Variants in C1QBP observed in about 807,000 individuals in gnomAD.
The protein encoded by C1QBP is complement component 1 Q subcomponent-binding protein, mitochondrial.
Under a neutral mutation model 29.4 loss-of-function variants are expected in C1QBP, and 24 were observed. The observed-to-expected ratio is 0.82, with a 90% CI of 0.59 to 1.15. The LOEUF is 1.15. Among genes scored for constraint, C1QBP ranks in the 50% most tolerant of loss-of-function variants. C1QBP has a pLI of 0.00. For missense variants in C1QBP, 337 were observed against 355.8 expected (o/e 0.95, Z 0.43); for synonymous variants, 182 against 149.2 (o/e 1.22, Z -1.60).
Position 5,438,225 on chromosome 17 carries a change from C to T in C1QBP, c.281G>A (p.Arg94Lys), listed in dbSNP as rs755263706. 6.2e-7 allele frequency: 1 copy of T among 1,614,172 alleles called. No individual in the cohort carries two copies. The highest frequency in any genetic ancestry group is 2.2e-5 in the East Asian group (1 of 44,886). ...DFLSDEIKEE[R>K]KIQKHKTLPK... ...GAGGGTTTTATGCTTCTGAATTTTT[C>T]TTTCCTCCTTAATTTCATCACTCAG... The change falls in exon 2 of 6, where the codon AGA becomes AAA. Residue 94 changes from arginine (R) to lysine (K), a missense_variant. By Grantham distance (26) the Arg-to-Lys change is conservative (BLOSUM62 2). Coordinates refer to ENST00000225698, the MANE Select transcript of C1QBP (RefSeq NM_001212.4).
At chr17:5,434,647 T>C (rs1916216446) in intron 3 of C1QBP, 3 of 311,184 alleles carry the variant, frequency 9.6e-6, no homozygotes, top group Non-Finnish European at 1.9e-5. Flanking sequence ...TTTGTATTTT[T>C]AGTAGAGACG....
Position 5,432,866 on chromosome 17 carries a change from G to C in C1QBP, c.*149C>G, listed in dbSNP as rs1039272260. On this transcript the variant is annotated 3_prime_UTR_variant, in exon 6 of 6. Transcript: ENST00000225698. ...TACAGAAAAAAATGATAATAAATGA[G>C]AACACAAAACATATAATTTAAATTT... is the stretch of plus-strand genomic sequence containing the variant. 79 of 1,001,014 alleles carry C rather than the reference G, an allele frequency of 7.9e-5. No individual in the cohort carries two copies. The highest frequency in any genetic ancestry group is 1.1e-4 in the Non-Finnish European group (78 of 712,864). The allele number at this position is 1,001,014 out of a possible 1,614,324, so 62.0% of individuals were successfully genotyped here.
chr17:5,433,149 G>A lies in C1QBP; in HGVS notation c.715C>T (p.Leu239=). The A allele has an allele frequency of 6.2e-7, 1 of 1,613,756 alleles. No homozygotes were observed. Among genetic ancestry groups the A allele is most frequent in the African/African-American group, 1.3e-5 (1 of 74,984 alleles). ...DSLDWALYDH[L]MDFLADRGVD... ...CCTCGGTCGGCAAGGAAATCCATTA[G>A]GTGGTCATATAAGGCCTGCAAAGAA... is the stretch of plus-strand genomic sequence containing the variant. Residue 239 remains leucine (L), a synonymous_variant, in exon 6 of 6, where the codon CTA becomes TTA. Coordinates refer to ENST00000225698, the MANE Select transcript of C1QBP (RefSeq NM_001212.4).
chr17:5,438,463 AAAGTGATT>A, intron 1 of C1QBP, 190 bp from the exon 2 acceptor site: 1 of 812,958 alleles, frequency 1.2e-6, no homozygotes, highest in East Asian at 2.7e-5. Context: ...TGATTCTGGA[AAAGTGATT>A]TCCAACAATG....
intron 2 of C1QBP, among the ~76,000 whole-genome samples, chr17:5,436,855 TA>T (rs1383951734): frequency 6.6e-6 from 1 of 152,088 alleles, no homozygotes; most frequent in Non-Finnish European, 1.5e-5. Flanking sequence ...CTGTCTCTAC[TA>T]AAAATACAAA....
At chr17:5,437,298 TTACA>T (rs1484899509) in intron 2 of C1QBP, among the ~76,000 whole-genome samples, 1 of 152,200 alleles carries the variant, frequency 6.6e-6, no homozygotes, top group East Asian at 1.9e-4. Flanking sequence ...TTTAAAAAAA[TTACA>T]TACACATCAT....
intron 2 of C1QBP, 77 bp from the exon 3 acceptor site, chr17:5,435,043 T>C (rs1439095453): frequency 2.4e-6 from 3 of 1,267,654 alleles, no homozygotes; most frequent in African/African-American, 1.5e-5. Flanking sequence ...CACATAAACA[T>C]GGAAATCTGC....
intron 2 of C1QBP, among the ~76,000 whole-genome samples, chr17:5,437,474 C>T (rs1022808294): frequency 2.6e-5 from 4 of 152,168 alleles, no homozygotes; most frequent in African/African-American, 4.8e-5. Flanking sequence ...GTAGCTGGGA[C>T]TACAGGCACG....
At chr17:5,438,303 G>A in intron 1 of C1QBP, 30 bp from the exon 2 acceptor site, 2 of 1,608,312 alleles carry the variant, frequency 1.2e-6, no homozygotes, top group Non-Finnish European at 1.7e-6. Context: ...ACATAAAAAG[G>A]AAAGCCAGTT....
intron 2 of C1QBP, among the ~76,000 whole-genome samples, chr17:5,435,994 C>T (rs1422769336): frequency 7.1e-5 from 10 of 141,482 alleles, no homozygotes; most frequent in South Asian, 4.4e-4. Flanking sequence ...TGCAGTGAGC[C>T]GAGATCACGC....
intron 4 of C1QBP, 111 bp downstream of exon 4, chr17:5,433,558 T>G (rs1468664725): frequency 1.3e-6 from 2 of 1,511,284 alleles, no homozygotes; most frequent in African/African-American, 2.8e-5. Flanking sequence ...CCTGCTGGGC[T>G]GGTCTAAGCT....
rs1381637113 is a variant in C1QBP, at chr17:5,439,149, C to A, written c.-76G>T. ...GGCGCCCCGCGACCTGAGGCGCCGCCGGAAGCCCCGCCCCTGCCCGGAAGC... is the reference window on the plus strand; with the variant it reads ...GGCGCCCCGCGACCTGAGGCGCCGCAGGAAGCCCCGCCCCTGCCCGGAAGC... On this transcript the variant is annotated 5_prime_UTR_variant, in exon 1 of 6. Coordinates refer to ENST00000225698, the MANE Select transcript of C1QBP (RefSeq NM_001212.4). The A allele has an allele frequency of 1.3e-6, 2 of 1,518,078 alleles. No individual in the cohort carries two copies. The highest frequency in any genetic ancestry group is 1.4e-5 in the African/African-American group (1 of 70,656). 94.0% of individuals were successfully genotyped at this position (1,518,078 alleles called of 1,614,324 possible). A position where few individuals can be genotyped will look rare whatever the true frequency, so the allele number is the denominator to read the frequency against.
At position 5,434,973 on chromosome 17, in the gene C1QBP, C is replaced by G. The variant is rs772201874; in HGVS notation, c.384-7G>C. On this transcript the variant is annotated splice_region_variant and splice_polypyrimidine_tract_variant and intron_variant, in intron 2 of 5. Coordinates refer to ENST00000225698, the MANE Select transcript of C1QBP (RefSeq NM_001212.4). ...GTTGAAAGTGACCGTGATTCTAAAA[C>G]GGCAAGGGAAAACAGACAAGGCAAA... 1.2e-6 allele frequency: 2 copies of G among 1,611,926 alleles called. No homozygotes were observed. The highest frequency in any genetic ancestry group is 1.1e-5 in the South Asian group (1 of 91,044).
intron 4 of C1QBP, 53 bp downstream of exon 4, chr17:5,433,616 G>C (rs1213976725): frequency 6.3e-7 from 1 of 1,578,600 alleles, no homozygotes; most frequent in African/African-American, 1.3e-5. Flanking sequence ...AAGTTCCCAA[G>C]GGACACACTG....
rs1342274592 is a variant in C1QBP, at chr17:5,438,142, G to A, written c.364C>T (p.Arg122Trp). ...ACTTACTTTTCCCCGGCAACTTTCCGCACTAATTTCGCTTCTGTCCCATTC... is the reference window on the plus strand; with the variant it reads ...ACTTACTTTTCCCCGGCAACTTTCCACACTAATTTCGCTTCTGTCCCATTC... ...ELNGTEAKLV[R>W]KVAGEKITVT... Residue 122 changes from arginine to tryptophan, a missense_variant, in exon 2 of 6, where the codon CGG (arginine) becomes TGG (tryptophan). Physicochemically the swap from Arg to Trp is moderately radical, Grantham distance 101. Transcript: ENST00000225698. 2 of 1,612,312 alleles carry A rather than the reference G, an allele frequency of 1.2e-6. No homozygotes were observed. The highest frequency in any genetic ancestry group is 1.7e-5 in the Admixed American group (1 of 60,008).
intron 2 of C1QBP, among the ~76,000 whole-genome samples, chr17:5,435,403 T>TTTA: frequency 6.6e-6 from 1 of 152,142 alleles, no homozygotes; most frequent in East Asian, 1.9e-4. Context: ...CAGAAGCCCC[T>TTTA]TTAAGAGACT....
intron 2 of C1QBP, among the ~76,000 whole-genome samples, chr17:5,435,874 CAAA>C (rs200057698): frequency 0.017 from 1,772 of 105,674 alleles, 58 homozygotes; most frequent in African/African-American, 0.065. Context: ...CTAAAAAATA[CAAA>C]AAAAAAAAAA....
At position 5,432,905 on chromosome 17, in the gene C1QBP, C is replaced by T. The variant is rs1916127398; in HGVS notation, c.*110G>A. 1 of 1,299,686 alleles carries T rather than the reference C, an allele frequency of 7.7e-7. No individual in the cohort carries two copies. The highest frequency in any genetic ancestry group is 1.5e-5 in the African/African-American group (1 of 67,086). The allele number at this position is 1,299,686 out of a possible 1,614,324, so 80.5% of individuals were successfully genotyped here. A position where few individuals can be genotyped will look rare whatever the true frequency, so the allele number is the denominator to read the frequency against. On this transcript the variant is annotated 3_prime_UTR_variant, in exon 6 of 6. Transcript: ENST00000225698. ...TAATTTAAATTTGGTATTTTTTCCC[C>T]CATGATATTAGGATGATAATCATTT... is the stretch of plus-strand genomic sequence containing the variant.
chr17:5,438,822 C>G lies in C1QBP; in HGVS notation c.232+20G>C. 1 of 1,547,552 alleles carries G rather than the reference C, an allele frequency of 6.5e-7. No homozygotes were observed. The highest frequency in any genetic ancestry group is 8.7e-7 in the Non-Finnish European group (1 of 1,146,196). On this transcript the variant is annotated intron_variant, in intron 1 of 5. Coordinates refer to ENST00000225698, the MANE Select transcript of C1QBP (RefSeq NM_001212.4). ...CCCTCTGTTGAACGCAAACCACACC[C>G]CCGGCCCGCTAAACCTCACCGTCGG...
Sources: allele counts gnomAD v4.1 joint callset (sites outside exome capture counted in the v4.1 genomes callset), GRCh38; gene constraint gnomAD v4.1.1; transcripts MANE v1.5; gene names NCBI Gene and HGNC (gene_info 2026-07-23, HGNC 2026-07-21).